SNAPC1: variants seen among roughly 807,000 people sequenced by gnomAD.
SNAPC1 encodes the protein snRNA-activating protein complex subunit 1.
SNAPC1 carries 42 observed loss-of-function variants against 50.1 expected under a neutral mutation model. The ratio of observed to expected loss-of-function variants is 0.84; its 90% CI spans 0.65 to 1.08. The LOEUF (loss-of-function observed/expected upper bound fraction) is 1.08, where lower values mean the gene tolerates loss of function less well. SNAPC1 is among the 50% of genes least tolerant of loss of function. SNAPC1 has a pLI of 0.00. For synonymous variants in SNAPC1, 164 were observed against 144.2 expected, an observed-to-expected ratio of 1.14 and a Z score of -0.98; for missense variants, 477 against 427.3, an observed-to-expected ratio of 1.12 and a Z score of -1.02.
At chr14:61,787,133 G>T (rs1220680668) in intron 8 of SNAPC1, among the ~76,000 whole-genome samples, 1 of 152,222 alleles carries the variant, frequency 6.6e-6, no homozygotes. Flanking sequence ...GGACTTAGGG[G>T]TAGGGGAAGG....
At chr14:61,786,306 A>G (rs1489146775) in intron 8 of SNAPC1, among the ~76,000 whole-genome samples, 1 of 152,186 alleles carries the variant, frequency 6.6e-6, no homozygotes, top group Non-Finnish European at 1.5e-5. Flanking sequence ...ATAAATTGGC[A>G]TTCTCAAAGT....
intron 1 of SNAPC1, among the ~76,000 whole-genome samples, chr14:61,763,476 C>A (rs2044923573): frequency 2.1e-5 from 3 of 145,514 alleles, no homozygotes; most frequent in Admixed American, 1.4e-4. Flanking sequence ...CTTTCTTGCT[C>A]CAGCAGCTGC....
chr14:61,766,301 T>C (rs1207218001), intron 1 of SNAPC1, among the ~76,000 whole-genome samples: 2 of 152,224 alleles, frequency 1.3e-5, no homozygotes, highest in Non-Finnish European at 2.9e-5. Context: ...AAGTTCTAAG[T>C]TGCTAGTCAA....
intron 5 of SNAPC1, among the ~76,000 whole-genome samples, chr14:61,776,568 C>T (rs1594646993): frequency 2.0e-5 from 3 of 151,930 alleles, no homozygotes; most frequent in Admixed American, 2.0e-4. Context: ...TGGGCTAAAT[C>T]CTGCACACAG....
chr14:61,770,234 C>CTTTT (rs72091048), intron 4 of SNAPC1, among the ~76,000 whole-genome samples: 41 of 133,930 alleles, frequency 3.1e-4, no homozygotes, highest in East Asian at 4.3e-4. Flanking sequence ...CCCCCATGTT[C>CTTTT]TTTTTTTTTT....
At chr14:61,767,928 C>T (rs1052962537) in intron 3 of SNAPC1, among the ~76,000 whole-genome samples, 4 of 152,168 alleles carry the variant, frequency 2.6e-5, no homozygotes, top group Admixed American at 2.6e-4. Flanking sequence ...TACAGGCGCC[C>T]TCCACCACGC....
At chr14:61,782,111 G>T (rs1322668251) in intron 7 of SNAPC1, 136 bp from the exon 8 acceptor site, 2 of 623,952 alleles carry the variant, frequency 3.2e-6, no homozygotes, top group Admixed American at 3.6e-5. Flanking sequence ...CCAGCCAGGG[G>T]TAATAGTAAA....
intron 8 of SNAPC1, among the ~76,000 whole-genome samples, chr14:61,792,107 G>GAA (rs59143719): frequency 0.021 from 2,431 of 114,326 alleles, 70 homozygotes; most frequent in African/African-American, 0.067. Context: ...CATTAAAAAA[G>GAA]AAAAAAAAAA....
chr14:61,775,990 T>A (rs2045032612), intron 4 of SNAPC1, 105 bp from the exon 5 acceptor site: 3 of 748,676 alleles, frequency 4.0e-6, no homozygotes, highest in Non-Finnish European at 6.5e-6. Flanking sequence ...TGTTATTACC[T>A]ATCAACTGGA....
At chr14:61,776,509 T>C (rs1303928824) in intron 5 of SNAPC1, among the ~76,000 whole-genome samples, 1 of 152,176 alleles carries the variant, frequency 6.6e-6, no homozygotes, top group Non-Finnish European at 1.5e-5. Flanking sequence ...CTCAGATTTA[T>C]TACAGACTTT....
chr14:61,788,381 C>T (rs948323118), intron 8 of SNAPC1, among the ~76,000 whole-genome samples: 2 of 152,138 alleles, frequency 1.3e-5, no homozygotes, highest in Non-Finnish European at 2.9e-5. Context: ...TTTGATTTTA[C>T]AGTTTTTCAA....
chr14:61,778,384 G>GAGGATC (rs1455408264), intron 6 of SNAPC1, among the ~76,000 whole-genome samples: 1 of 152,230 alleles, frequency 6.6e-6, no homozygotes, highest in Non-Finnish European at 1.5e-5. Flanking sequence ...TCAGTTCGTA[G>GAGGATC]AGGATCAGGA....
rs147333210 is a variant in SNAPC1, at chr14:61,783,758, T to A, written c.976+1361T>A. On this transcript the variant is annotated intron_variant, in intron 8 of 9. Transcript: ENST00000216294. ...TTTCACTATGTTGGCCAGGCTGGTC[T>A]TGAACTCCTGACTTCGTGATTCGCC... is the stretch of plus-strand genomic sequence containing the variant. Among the ~76,000 whole-genome samples the A allele has an allele frequency of 7.4e-3, 1,127 of 152,184 alleles. 6 individuals are homozygous for A. Among genetic ancestry groups the A allele is most frequent in the Non-Finnish European group, 0.01 (711 of 67,998 alleles).
rs529244463 is a variant in SNAPC1, at chr14:61,767,453, T to C, written c.429+101T>C. ...CAGAAAATGGAATAAGTATTGATAG[T>C]GTTCAAGACTTTTAGCTTTTTTTTT... On this transcript the variant is annotated intron_variant, in intron 3 of 9. Transcript: ENST00000216294. 20 of 708,340 alleles carry C rather than the reference T, an allele frequency of 2.8e-5. No individual in the cohort carries two copies. The East Asian group carries it at 3.9e-4, about 14-fold the overall frequency. 43.9% of individuals were successfully genotyped at this position (708,340 alleles called of 1,614,324 possible). A position where few individuals can be genotyped will look rare whatever the true frequency, so the allele number is the denominator to read the frequency against.
At chr14:61,762,695 G>A in intron 1 of SNAPC1, 107 bp downstream of exon 1, 2 of 1,337,948 alleles carry the variant, frequency 1.5e-6, no homozygotes, top group Non-Finnish European at 2.1e-6. Context: ...AAGAGCGGCA[G>A]TCACCGAAGG....
intron 7 of SNAPC1, 27 bp downstream of exon 7, chr14:61,778,937 T>A: frequency 7.8e-7 from 1 of 1,278,394 alleles, no homozygotes; most frequent in Non-Finnish European, 1.1e-6. Flanking sequence ...TAAGGTAATT[T>A]GGAAATTGAC....
chr14:61,782,367 G>T lies in SNAPC1; in HGVS notation c.946G>T (p.Ala316Ser). ...AGAGAAGAAAGAAAGATTGAAACCA[G>T]CAGGAAGGAAGATGTCTCTCAGAAA... ...KKEKKERLKP[A>S]GRKMSLRNKG... Residue 316 changes from alanine (A) to serine (S), a missense_variant, in exon 8 of 10, where the codon GCA becomes TCA. Physicochemically the swap from Ala to Ser is moderately conservative, Grantham distance 99 (BLOSUM62 1). Transcript: ENST00000216294. 1 of 1,612,876 alleles carries T rather than the reference G, an allele frequency of 6.2e-7. No individual in the cohort carries two copies. Among genetic ancestry groups the T allele is most frequent in the Non-Finnish European group, 8.5e-7 (1 of 1,179,674 alleles).
intron 4 of SNAPC1, among the ~76,000 whole-genome samples, chr14:61,770,277 C>G (rs982972006): frequency 6.8e-6 from 1 of 147,242 alleles, no homozygotes; most frequent in Non-Finnish European, 1.5e-5. Context: ...GGATCTTCCT[C>G]TGTCACCCAG....
intron 8 of SNAPC1, among the ~76,000 whole-genome samples, chr14:61,782,631 C>T (rs2045084585): frequency 1.3e-5 from 2 of 152,118 alleles, no homozygotes; most frequent in South Asian, 2.1e-4. Context: ...TTGGCCTGGC[C>T]GGGTGCTATG....
Sources: allele counts gnomAD v4.1 joint callset (sites outside exome capture counted in the v4.1 genomes callset), GRCh38; gene constraint gnomAD v4.1.1; transcripts MANE v1.5; gene names NCBI Gene and HGNC (gene_info 2026-07-23, HGNC 2026-07-21).